Variants in IL21 observed in about 807,000 individuals in gnomAD.
IL21 encodes the protein interleukin-21.
Under a neutral mutation model 18.4 loss-of-function variants are expected in IL21, and 3 were observed. The ratio of observed to expected loss-of-function variants is 0.16; its 90% CI spans 0.07 to 0.42. IL21 has a LOEUF of 0.42. Among genes scored for constraint, IL21 ranks in the 10% least tolerant of loss-of-function variants. The pLI, the probability that IL21 is intolerant of heterozygous loss-of-function variation, is 0.99. For missense variants in IL21, 130 were observed against 188.4 expected, an observed-to-expected ratio of 0.69 and a Z score of 1.81; for synonymous variants, 37 against 62.0, an observed-to-expected ratio of 0.60 and a Z score of 1.90.
rs760894565 is a variant in IL21 at position 122,620,828 on chromosome 4, A to T, written c.168+16T>A. The T allele has an allele frequency of 6.2e-7, 1 of 1,613,274 alleles. No homozygotes were observed. The highest frequency in any genetic ancestry group is 8.5e-7 in the Non-Finnish European group (1 of 1,179,340). On this transcript the variant is annotated intron_variant, in intron 1 of 4. Coordinates refer to ENST00000648588, the MANE Select transcript of IL21 (RefSeq NM_021803.4). The stretch of plus-strand genomic sequence containing the variant: ...AAAGTATGATTTAGATTTTGTTGTG[A>T]CAAATATAGTCTTACCAAGTCATTC...
chr4:122,621,017 C>T lies in IL21; in HGVS notation c.-6G>A. 6.2e-7 allele frequency: 1 copy of T among 1,613,116 alleles called. No homozygotes were observed. The highest frequency in any genetic ancestry group is 8.5e-7 in the Non-Finnish European group (1 of 1,179,508). On this transcript the variant is annotated 5_prime_UTR_variant, in exon 1 of 5. Transcript: ENST00000648588. ...TTGCCAGGACTGGATCTCATAAGTA[C>T]CAACAGTAGAGCTAGACCTTGGTCT... is the stretch of plus-strand genomic sequence containing the variant.
chr4:122,615,684 G>A lies in IL21; in HGVS notation c.358C>T (p.Leu120=). 1 of 1,610,512 alleles carries A rather than the reference G, an allele frequency of 6.2e-7. No individual in the cohort carries two copies. The highest frequency in any genetic ancestry group is 8.5e-7 in the Non-Finnish European group (1 of 1,178,700). ...TNAGRRQKHR[L]TCPSCDSYEK... is the part of the protein sequence containing the mutation. ...GAGATGACAAATGACAATCTTACTAGTCTGTGTTTCTGTCTTCTCCCTGCA... is the reference window on the plus strand; with the variant it reads ...GAGATGACAAATGACAATCTTACTAATCTGTGTTTCTGTCTTCTCCCTGCA... The change falls in exon 3 of 5, where the codon CTA becomes TTA. Residue 120 remains leucine (L), a splice_region_variant and synonymous_variant. Transcript: ENST00000648588.
intron 2 of IL21, among the ~76,000 whole-genome samples, chr4:122,618,831 A>AAG (rs1335893314): frequency 6.7e-6 from 1 of 149,514 alleles, no homozygotes; most frequent in Non-Finnish European, 1.5e-5. Flanking sequence ...AAAAAAAAAA[A>AAG]GGATTACCTT....
At chr4:122,619,809 C>T (rs1799397742) in intron 2 of IL21, among the ~76,000 whole-genome samples, 1 of 152,246 alleles carries the variant, frequency 6.6e-6, no homozygotes, top group Non-Finnish European at 1.5e-5. Context: ...AACTTTTACA[C>T]ATAGTCATTT....
rs996302322 is a variant in IL21 at position 122,610,945 on chromosome 4, ACT to A, written c.*1763_*1764del. Among the ~76,000 whole-genome samples the A allele has an allele frequency of 2.6e-5, 4 of 152,186 alleles. No homozygotes were observed. Among genetic ancestry groups the A allele is most frequent in the Non-Finnish European group, 5.9e-5 (4 of 68,018 alleles). On this transcript the variant is annotated 3_prime_UTR_variant, in exon 5 of 5. Transcript: ENST00000648588. ...AATGAAGGCTCTTAGCCAAACCCTCACTGAGTTATTTTTACTTTTAAGATAGA... is the reference window on the plus strand; with the variant it reads ...AATGAAGGCTCTTAGCCAAACCCTCAGAGTTATTTTTACTTTTAAGATAGA...
Position 122,620,729 on chromosome 4 carries a change from T to C in IL21, c.176A>G (p.Glu59Gly). The C allele has an allele frequency of 1.2e-6, 2 of 1,613,540 alleles. No individual in the cohort carries two copies. Among genetic ancestry groups the C allele is most frequent in the Non-Finnish European group, 1.7e-6 (2 of 1,179,844 alleles). The change falls in exon 2 of 5, where the codon GAA (glutamate) becomes GGA (glycine). Residue 59 changes from glutamate to glycine, a missense_variant. Physicochemically the swap from Glu to Gly is moderately conservative, Grantham distance 98. Coordinates refer to ENST00000648588, the MANE Select transcript of IL21 (RefSeq NM_021803.4). ...LKNYVNDLVP[E>G]FLPAPEDVET... Reference sequence around the variant, plus strand: ...TACATCTTCTGGAGCTGGCAGAAATTCAGGGACCTAGAGCAAAAGAAAATT... The same window carrying C: ...TACATCTTCTGGAGCTGGCAGAAATCCAGGGACCTAGAGCAAAAGAAAATT...
intron 2 of IL21, chr4:122,619,843 G>A (rs777688890): frequency 1.3e-5 from 2 of 152,302 alleles, no homozygotes; most frequent in South Asian, 2.1e-4. Flanking sequence ...TCTTTGCAAT[G>A]TATCTTCTTA....
Position 122,610,620 on chromosome 4 carries a change from C to T in IL21, c.*2090G>A, listed in dbSNP as rs1233343562. 6.6e-6 allele frequency among the ~76,000 whole-genome samples: 1 copy of T among 152,212 alleles called. No homozygotes were observed. ...AATAGACATTAGAGATTAAGTCCAGCACTCTCATTCTACAGATAAAGAAAT... is the reference window on the plus strand; with the variant it reads ...AATAGACATTAGAGATTAAGTCCAGTACTCTCATTCTACAGATAAAGAAAT... On this transcript the variant is annotated 3_prime_UTR_variant, in exon 5 of 5. Coordinates refer to ENST00000648588, the MANE Select transcript of IL21 (RefSeq NM_021803.4).
intron 2 of IL21, among the ~76,000 whole-genome samples, chr4:122,617,439 G>A (rs1472107153): frequency 6.6e-6 from 1 of 152,248 alleles, no homozygotes; most frequent in East Asian, 1.9e-4. Context: ...TGAAAAACCA[G>A]CATTTCTCAC....
At chr4:122,620,615 C>G (rs1002267469) in intron 2 of IL21, 86 bp downstream of exon 2, 2 of 1,094,688 alleles carry the variant, frequency 1.8e-6, no homozygotes, top group Admixed American at 2.0e-5. Context: ...TCAGTATACT[C>G]CTATATAATC....
rs1578434841 is a variant in IL21, at chr4:122,612,939, A to G, written c.361-11T>C. On this transcript the variant is annotated splice_polypyrimidine_tract_variant and intron_variant, in intron 3 of 4. Coordinates refer to ENST00000648588, the MANE Select transcript of IL21 (RefSeq NM_021803.4). Reference sequence around the variant, plus strand: ...ACATGAAGGGCATGTCTAGAAATCAATGAAAAAGTAACAGTCTTCTTTAAA... The same window carrying G: ...ACATGAAGGGCATGTCTAGAAATCAGTGAAAAAGTAACAGTCTTCTTTAAA... The G allele has an allele frequency of 4.6e-6, 7 of 1,518,886 alleles. No homozygotes were observed. Among genetic ancestry groups the G allele is most frequent in the East Asian group, 2.3e-5 (1 of 44,158 alleles). 94.1% of individuals were successfully genotyped at this position (1,518,886 alleles called of 1,614,324 possible). A position where few individuals can be genotyped will look rare whatever the true frequency, so the allele number is the denominator to read the frequency against.
chr4:122,617,005 CT>C (rs962736743), intron 2 of IL21, among the ~76,000 whole-genome samples: 4 of 152,172 alleles, frequency 2.6e-5, no homozygotes, highest in African/African-American at 9.7e-5. Context: ...GGACAATCAG[CT>C]GAACACAGCA....
intron 2 of IL21, among the ~76,000 whole-genome samples, chr4:122,619,781 T>G (rs1429412378): frequency 6.6e-6 from 1 of 152,238 alleles, no homozygotes; most frequent in Non-Finnish European, 1.5e-5. Context: ...GCAATAGTTG[T>G]GACTCATTCA....
chr4:122,621,028 G>C lies in IL21; in HGVS notation c.-17C>G. ...GGATCTCATAAGTACCAACAGTAGAGCTAGACCTTGGTCTCGTTTTCACTT... is the reference window on the plus strand; with the variant it reads ...GGATCTCATAAGTACCAACAGTAGACCTAGACCTTGGTCTCGTTTTCACTT... On this transcript the variant is annotated 5_prime_UTR_variant, in exon 1 of 5. Transcript: ENST00000648588. 1 of 1,607,278 alleles carries C rather than the reference G, an allele frequency of 6.2e-7. No homozygotes were observed. The highest frequency in any genetic ancestry group is 1.7e-4 in the Middle Eastern group (1 of 6,042).
chr4:122,615,807 A>G lies in IL21; in HGVS notation c.235T>C (p.Phe79Leu). 3.1e-6 allele frequency: 5 copies of G among 1,612,782 alleles called. No individual in the cohort carries two copies. The highest frequency in any genetic ancestry group is 4.2e-6 in the Non-Finnish European group (5 of 1,179,210). Residue 79 changes from phenylalanine to leucine, a missense_variant, in exon 3 of 5, where the codon TTT becomes CTT. Coordinates refer to ENST00000648588, the MANE Select transcript of IL21 (RefSeq NM_021803.4). ...TNCEWSAFSC[F>L]QKAQLKSANT... ...GCTGACTTTAGTTGGGCCTTCTGAA[A>G]GCAGGAAAAAGCTGACCACTCACAG...
chr4:122,620,160 G>A (rs1799403870), intron 2 of IL21: 1 of 152,470 alleles, frequency 6.6e-6, no homozygotes, highest in Non-Finnish European at 1.5e-5. Context: ...ACTCACTGAG[G>A]CCAAGGTATA....
At chr4:122,618,721 G>A (rs1468450645) in intron 2 of IL21, among the ~76,000 whole-genome samples, 3 of 141,876 alleles carry the variant, frequency 2.1e-5, no homozygotes, top group Non-Finnish European at 3.0e-5. Context: ...CAGGAGAATC[G>A]CTTGAACCTG....
intron 2 of IL21, among the ~76,000 whole-genome samples, 156 bp from the exon 3 acceptor site, chr4:122,615,993 T>C (rs1436523102): frequency 6.6e-6 from 1 of 152,240 alleles, no homozygotes; most frequent in Non-Finnish European, 1.5e-5. Context: ...ACTTAATCTT[T>C]GGGATGGGAA....
chr4:122,616,802 C>T (rs1397759938), intron 2 of IL21, among the ~76,000 whole-genome samples: 2 of 152,276 alleles, frequency 1.3e-5, no homozygotes, highest in East Asian at 3.9e-4. Context: ...AGCTTATATC[C>T]AGGTGACTTG....
Sources: gnomAD v4.1 joint callset for allele counts (sites outside exome capture counted in the v4.1 genomes callset) on GRCh38, gnomAD v4.1.1 for gene constraint, MANE v1.5 for transcripts, NCBI Gene and HGNC (gene_info 2026-07-23, HGNC 2026-07-21) for gene names.